ARSJ: variants seen among roughly 807,000 people sequenced by gnomAD.
The protein encoded by ARSJ is arylsulfatase J.
Under a neutral mutation model 35.9 loss-of-function variants are expected in ARSJ, and 26 were observed. The ratio of observed to expected loss-of-function variants is 0.72; its 90% confidence interval spans 0.53 to 1.00. The LOEUF (loss-of-function observed/expected upper bound fraction) is 1.00. Ranked by LOEUF, ARSJ falls within the 50% of genes least tolerant of loss-of-function variation. The probability of loss-of-function intolerance (pLI) is 0.00; values close to 1 mark genes in which losing one functional copy is unlikely to be tolerated. For synonymous variants in ARSJ, 294 were observed against 267.6 expected, an observed-to-expected ratio of 1.10 and a Z score of -0.96; for missense variants, 667 against 723.6, an observed-to-expected ratio of 0.92 and a Z score of 0.90.
intron 1 of ARSJ, among the ~76,000 whole-genome samples, chr4:113,946,704 T>C (rs996653856): frequency 7.7e-5 from 11 of 142,180 alleles, no homozygotes. Context: ...AATGCACTTA[T>C]AATATTTTGC....
At chr4:113,929,084 T>A (rs1156281193) in intron 1 of ARSJ, among the ~76,000 whole-genome samples, 2 of 152,098 alleles carry the variant, frequency 1.3e-5, no homozygotes, top group Non-Finnish European at 2.9e-5. Flanking sequence ...ATCAAGAAAT[T>A]TAGCCTGATC....
At chr4:113,944,128 G>A (rs187848985) in intron 1 of ARSJ, 1 of 152,180 alleles carries the variant, frequency 6.6e-6, no homozygotes, top group East Asian at 1.9e-4. Flanking sequence ...TTCGAACCAG[G>A]AAACTCTGAG....
chr4:113,973,225 A>G (rs1171840093), intron 1 of ARSJ, among the ~76,000 whole-genome samples: 3 of 152,160 alleles, frequency 2.0e-5, no homozygotes, highest in Non-Finnish European at 2.9e-5. Flanking sequence ...ATTACCATAT[A>G]ATTTTCAAAA....
chr4:113,970,414 C>T (rs1727166811), intron 1 of ARSJ: 1 of 152,082 alleles, frequency 6.6e-6, no homozygotes, highest in South Asian at 2.1e-4. Context: ...ATATGCCATC[C>T]ATAAAATGTG....
chr4:113,955,316 A>G (rs1343977204), intron 1 of ARSJ, among the ~76,000 whole-genome samples: 1 of 151,936 alleles, frequency 6.6e-6, no homozygotes, highest in Non-Finnish European at 1.5e-5. Context: ...AATATATCAA[A>G]ATAAATGAAC....
chr4:113,944,381 A>G (rs1725346202), intron 1 of ARSJ: 1 of 152,102 alleles, frequency 6.6e-6, no homozygotes, highest in Non-Finnish European at 1.5e-5. Context: ...CATTAATCTC[A>G]TAGTTCCCTG....
chr4:113,924,901 C>G (rs1041993219), intron 1 of ARSJ, among the ~76,000 whole-genome samples: 1 of 152,096 alleles, frequency 6.6e-6, no homozygotes, highest in East Asian at 1.9e-4. Flanking sequence ...TTACCTTTGC[C>G]CTCTGCAAGC....
intron 1 of ARSJ, among the ~76,000 whole-genome samples, chr4:113,945,448 G>T (rs979265991): frequency 1.3e-5 from 2 of 152,054 alleles, no homozygotes. Context: ...CTTTTGTGGT[G>T]TCTCTTCAAA....
chr4:113,941,123 A>T (rs1725133095), intron 1 of ARSJ, among the ~76,000 whole-genome samples: 2 of 152,058 alleles, frequency 1.3e-5, no homozygotes, highest in Admixed American at 1.3e-4. Context: ...GGCTACAAAT[A>T]TATTTTTAAA....
At position 113,902,224 on chromosome 4, in the gene ARSJ, A is replaced by G; in HGVS notation, c.*50T>C. ...ATTTGCTGGTTTACCTAGGAAACAGATGAAAGATAAGAACTGATTAAAGTT... is the reference window on the plus strand; with the variant it reads ...ATTTGCTGGTTTACCTAGGAAACAGGTGAAAGATAAGAACTGATTAAAGTT... On this transcript the variant is annotated 3_prime_UTR_variant, in exon 2 of 2. Transcript: ENST00000315366. 6.2e-7 allele frequency: 1 copy of G among 1,600,984 alleles called. No individual in the cohort carries two copies. The highest frequency in any genetic ancestry group is 8.5e-7 in the Non-Finnish European group (1 of 1,179,950).
chr4:113,972,310 A>AAC (rs1554122219), intron 1 of ARSJ, among the ~76,000 whole-genome samples: 3 of 150,022 alleles, frequency 2.0e-5, no homozygotes, highest in African/African-American at 4.9e-5. Flanking sequence ...AAAAAAACAA[A>AAC]AAAAAAAACC....
Position 113,902,325 on chromosome 4 carries a change from C to T in ARSJ, c.1749G>A (p.Gln583=), listed in dbSNP as rs999103379. The T allele has an allele frequency of 6.2e-7, 1 of 1,613,276 alleles. No individual in the cohort carries two copies. Among genetic ancestry groups the T allele is most frequent in the Non-Finnish European group, 8.5e-7 (1 of 1,179,974 alleles). Residue 583 remains glutamine, a synonymous_variant, in exon 2 of 2, where the codon CAG becomes CAA. Transcript: ENST00000315366. ...AAGTTGAACCTGAGACTGCTTTCTG[C>T]TGTTTCTTCTTCTTTTTTTTGCTTT... ...QKKSKKKKKK[Q]QKAVSGSTCH...
rs142935534 is a variant in ARSJ at position 113,942,028 on chromosome 4, G to A, written c.398+36409C>T. ...ATGACTAGACTGTTTAGAATGTTAA[G>A]ATACCTAGGAAGGCAGATTGGATTC... is the stretch of plus-strand genomic sequence containing the variant. On this transcript the variant is annotated intron_variant, in intron 1 of 1. Transcript: ENST00000315366. Among the ~76,000 whole-genome samples the A allele has an allele frequency of 3.1e-3, 464 of 152,040 alleles. 1 individual carries two copies. The highest frequency in any genetic ancestry group is 4.2e-3 in the Non-Finnish European group (288 of 67,954).
chr4:113,931,593 T>C (rs114108739), intron 1 of ARSJ, among the ~76,000 whole-genome samples: 160 of 152,256 alleles, frequency 1.1e-3, no homozygotes, highest in African/African-American at 3.7e-3. Context: ...TGATTAAAAA[T>C]ACATTTCAAA....
At chr4:113,959,280 C>A (rs77577117) in intron 1 of ARSJ, among the ~76,000 whole-genome samples, 2,216 of 152,072 alleles carry the variant, frequency 0.015, 54 homozygotes, top group African/African-American at 0.049. Context: ...GTCCCATTAA[C>A]AGCTCTACCT....
Position 113,947,415 on chromosome 4 carries a change from G to A in ARSJ, c.398+31022C>T, listed in dbSNP as rs544145536. ...GAATCGTTTGAATTTGGCAGTTGGA[G>A]GTTGCAGTGAGCCGAGATTCTGCAG... On this transcript the variant is annotated intron_variant, in intron 1 of 1. Transcript: ENST00000315366. Among the ~76,000 whole-genome samples the A allele has an allele frequency of 3.3e-5, 5 of 152,070 alleles. No individual in the cohort carries two copies. The East Asian group carries it at 7.8e-4, about 24-fold the overall frequency.
intron 1 of ARSJ, among the ~76,000 whole-genome samples, chr4:113,938,739 C>T (rs1724929115): frequency 6.6e-6 from 1 of 151,524 alleles, no homozygotes; most frequent in Admixed American, 6.6e-5. Context: ...AAAAACTACC[C>T]CATTAAAAAT....
At chr4:113,920,820 G>C (rs1723624799) in intron 1 of ARSJ, among the ~76,000 whole-genome samples, 1 of 152,052 alleles carries the variant, frequency 6.6e-6, no homozygotes, top group African/African-American at 2.4e-5. Flanking sequence ...TAAAAATGAA[G>C]TTTTAGAAGT....
chr4:113,917,516 A>T (rs1343022889), intron 1 of ARSJ, among the ~76,000 whole-genome samples: 2 of 152,218 alleles, frequency 1.3e-5, no homozygotes, highest in Non-Finnish European at 2.9e-5. Flanking sequence ...TGCAATTCTT[A>T]TATGTCACAT....
Sources: allele counts gnomAD v4.1 joint callset (sites outside exome capture counted in the v4.1 genomes callset), GRCh38; gene constraint gnomAD v4.1.1; transcripts MANE v1.5; gene names NCBI Gene and HGNC (gene_info 2026-07-23, HGNC 2026-07-21).